The following OR4C11 variants were observed in gnomAD, a reference collection of about 807,000 sequenced individuals.
The protein encoded by OR4C11 is olfactory receptor family 4 subfamily C member 11.
Under a neutral mutation model 14.7 loss-of-function variants are expected in OR4C11, and 15 were observed. The ratio of observed to expected loss-of-function variants is 1.02; its 90% CI spans 0.68 to 1.58. OR4C11 has a LOEUF of 1.58. Among genes scored for constraint, OR4C11 ranks in the 40% most tolerant of loss-of-function variants. OR4C11 has a pLI of 0.00. For missense variants in OR4C11, 473 were observed against 383.0 expected (o/e 1.24, Z -1.96); for synonymous variants, 146 against 135.0 (o/e 1.08, Z -0.57).
In OR4C11 at chr11:55,603,120, A is replaced by T. The variant is rs1424173526; in HGVS notation, c.*321T>A. On this transcript the variant is annotated 3_prime_UTR_variant, in exon 4 of 4. Transcript: ENST00000641580. ...AAAAGCACAGGAAAGAAGTAAGAAA[A>T]TCAGATGCATTAGATTAGAGTGCAT... 1 of 172,978 alleles carries T rather than the reference A, an allele frequency of 5.8e-6. No individual in the cohort carries two copies. Among genetic ancestry groups the T allele is most frequent in the East Asian group, 1.7e-4 (1 of 6,026 alleles). 10.7% of individuals were successfully genotyped at this position (172,978 alleles called of 1,614,324 possible). A position where few individuals can be genotyped will look rare whatever the true frequency, so the allele number is the denominator to read the frequency against.
At position 55,603,767 on chromosome 11, in the gene OR4C11, C is replaced by A. The variant is rs201559565; in HGVS notation, c.607G>T (p.Ala203Ser). The A allele has an allele frequency of 3.7e-4, 546 of 1,488,706 alleles. 125 individuals carry two copies. Among genetic ancestry groups the A allele is most frequent in the Non-Finnish European group, 4.3e-4 (468 of 1,094,220 alleles). 92.2% of individuals were successfully genotyped at this position (1,488,706 alleles called of 1,614,324 possible). The change falls in exon 4 of 4, where the codon GCA becomes TCA. Residue 203 changes from alanine to serine, a missense_variant. Physicochemically the swap from Ala to Ser is moderately conservative, Grantham distance 99. Transcript: ENST00000641580. ...INLLLVSNSG[A>S]ICSSSFMILI... ...ATCATGAAACTACTTGAGCAAATTG[C>A]CCCACTGTTAGACACCAACAGCAGG...
At chr11:55,605,372 T>A (rs1857947164) in intron 2 of OR4C11, 85 bp from the exon 3 acceptor site, 1 of 136,956 alleles carries the variant, frequency 7.3e-6, no homozygotes, top group African/African-American at 2.6e-5. Flanking sequence ...TAAGCATCAG[T>A]GATTTAGAAA....
chr11:55,603,965 G>C lies in OR4C11; in HGVS notation c.409C>G (p.Gln137Glu). The C allele has an allele frequency of 6.7e-7, 1 of 1,489,748 alleles. No individual in the cohort carries two copies. The highest frequency in any genetic ancestry group is 1.4e-5 in the African/African-American group (1 of 72,782). The allele number at this position is 1,489,748 out of a possible 1,614,324, so 92.3% of individuals were successfully genotyped here. The change falls in exon 4 of 4, where the codon CAG becomes GAG. Residue 137 changes from glutamine (Q) to glutamate (E), a missense_variant. Transcript: ENST00000641580. ...PLRYPTIMSQ[Q>E]VCIILIVLAW... The stretch of plus-strand genomic sequence containing the variant: ...AGAACAATCAGGATGATGCAGACCT[G>C]CTGGCTCATGATGGTTGGGTAACGC...
rs768856028 is a variant in OR4C11 at position 55,607,216 on chromosome 11, T to G, written c.-365+71A>C. 15 of 138,700 alleles carry G rather than the reference T, an allele frequency of 1.1e-4. 3 individuals carry two copies. Among genetic ancestry groups the G allele is most frequent in the Non-Finnish European group, 2.1e-4 (13 of 62,338 alleles). 8.6% of individuals were successfully genotyped at this position (138,700 alleles called of 1,614,324 possible). On this transcript the variant is annotated intron_variant, in intron 1 of 3. Coordinates refer to ENST00000641580, the MANE Select transcript of OR4C11 (RefSeq NM_001004700.3). ...TGCTCCTTGCAGAGCAGAGCTACCC[T>G]TAGGCAGTTTGCCCAGAGTAGGCTG...
rs780523187 is a variant in OR4C11 at position 55,603,995 on chromosome 11, G to T, written c.379C>A (p.Pro127Thr). The T allele has an allele frequency of 1.3e-6, 2 of 1,489,662 alleles. 1 individual carries two copies. The highest frequency in any genetic ancestry group is 5.2e-5 in the East Asian group (2 of 38,754). The allele number at this position is 1,489,662 out of a possible 1,614,324, so 92.3% of individuals were successfully genotyped here. The change falls in exon 4 of 4, where the codon CCC becomes ACC. Residue 127 changes from proline (P) to threonine (T), a missense_variant. Transcript: ENST00000641580. ...CTCATGATGGTTGGGTAACGCAAGG[G>T]CTTACAGATGGCCACATAGCGATCA... ...AVDRYVAICK[P>T]LRYPTIMSQQ...
chr11:55,603,370 C>T lies in OR4C11; in HGVS notation c.*71G>A. ...ATTCCCACAGCATTCAGGTACTTTC[C>T]TATTTGCTGTCTATACTTACTCTGT... On this transcript the variant is annotated 3_prime_UTR_variant, in exon 4 of 4. Transcript: ENST00000641580. 4.0e-6 allele frequency: 3 copies of T among 753,952 alleles called. No homozygotes were observed. Among genetic ancestry groups the T allele is most frequent in the South Asian group, 2.0e-5 (1 of 49,172 alleles). The allele number at this position is 753,952 out of a possible 1,614,324, so 46.7% of individuals were successfully genotyped here. A position where few individuals can be genotyped will look rare whatever the true frequency, so the allele number is the denominator to read the frequency against.
rs1857900942 is a variant in OR4C11 at position 55,602,827 on chromosome 11, G to A, written c.*614C>T. The A allele has an allele frequency of 7.2e-6, 1 of 138,840 alleles. No homozygotes were observed. Among genetic ancestry groups the A allele is most frequent in the African/African-American group, 2.5e-5 (1 of 40,054 alleles). The allele number at this position is 138,840 out of a possible 1,614,324, so 8.6% of individuals were successfully genotyped here. A position where few individuals can be genotyped will look rare whatever the true frequency, so the allele number is the denominator to read the frequency against. ...GTGATAAAATGTAAATGGGCATCTT[G>A]ATATACTGAGTTAGTTCCTTTTCCC... On this transcript the variant is annotated 3_prime_UTR_variant, in exon 4 of 4. Transcript: ENST00000641580.
rs1437645941 is a variant in OR4C11 at position 55,604,259 on chromosome 11, C to A, written c.115G>T (p.Gly39Trp). The change falls in exon 4 of 4, where the codon GGG (glycine) becomes TGG (tryptophan). Residue 39 changes from glycine to tryptophan, a missense_variant. Coordinates refer to ENST00000641580, the MANE Select transcript of OR4C11 (RefSeq NM_001004700.3). ...ATGGTCACAATAATGAGCATATTCC[C>A]CACCACAGTTCCCATATAGAAAATT... ...FLIFYMGTVV[G>W]NMLIIVTIKS... The A allele has an allele frequency of 6.9e-7, 1 of 1,447,292 alleles. No individual in the cohort carries two copies. The highest frequency in any genetic ancestry group is 9.5e-7 in the Non-Finnish European group (1 of 1,056,842). The allele number at this position is 1,447,292 out of a possible 1,614,324, so 89.7% of individuals were successfully genotyped here.
In OR4C11 at chr11:55,604,177, A is replaced by G. The variant is rs867271023; in HGVS notation, c.197T>C (p.Phe66Ser). 2 of 1,475,420 alleles carry G rather than the reference A, an allele frequency of 1.4e-6. No individual in the cohort carries two copies. The highest frequency in any genetic ancestry group is 2.6e-5 in the East Asian group (1 of 38,748). The allele number at this position is 1,475,420 out of a possible 1,614,324, so 91.4% of individuals were successfully genotyped here. The change falls in exon 4 of 4, where the codon TTT becomes TCT. Residue 66 changes from phenylalanine (F) to serine (S), a missense_variant. Transcript: ENST00000641580. ...PMYFFLFYLS[F>S]ADSCFSTSTA... is the part of the protein sequence containing the mutation. ...GGAAGTTGAAAAGCAAGAATCTGCA[A>G]AGGACAAATAAAATAGAAAGAAGTA... is the stretch of plus-strand genomic sequence containing the variant.
Position 55,604,271 on chromosome 11 carries a change from C to A in OR4C11, c.103G>T (p.Gly35Ter), listed in dbSNP as rs61737219. The A allele has an allele frequency of 1.4e-6, 2 of 1,436,658 alleles. 1 individual carries two copies. The allele number at this position is 1,436,658 out of a possible 1,614,324, so 89.0% of individuals were successfully genotyped here. ...VFVIFLIFYM[G>*]TVVGNMLIIV... Reference sequence around the variant, plus strand: ...ATGAGCATATTCCCCACCACAGTTCCCATATAGAAAATTAAGAAGATTACA... The same window carrying A: ...ATGAGCATATTCCCCACCACAGTTCACATATAGAAAATTAAGAAGATTACA... The change falls in exon 4 of 4, where the codon GGA becomes TGA. Residue 35 changes from glycine to a stop codon, truncating the protein, a stop_gained. Coordinates refer to ENST00000641580, the MANE Select transcript of OR4C11 (RefSeq NM_001004700.3). LOFTEE classifies it high-confidence loss of function.
rs75597397 is a variant in OR4C11, at chr11:55,605,440, A to G, written c.-206-153T>C. 4.2e-3 allele frequency among the ~76,000 whole-genome samples: 580 copies of G among 137,918 alleles called. 64 individuals are homozygous for G. Among genetic ancestry groups the G allele is most frequent in the African/African-American group, 0.014 (558 of 39,196 alleles). 90.5% of individuals were successfully genotyped at this position (137,918 alleles called of 152,430 possible). ...ACTTTCAATAGAATTTTTAGTTTGT[A>G]TGTTCTTATGAATCCCATATCCTGA... On this transcript the variant is annotated intron_variant, in intron 2 of 3. Transcript: ENST00000641580.
rs1350174510 is a variant in OR4C11 at position 55,602,828 on chromosome 11, A to G, written c.*613T>C. The G allele has an allele frequency of 1.4e-5, 2 of 139,092 alleles. No individual in the cohort carries two copies. Among genetic ancestry groups the G allele is most frequent in the African/African-American group, 2.5e-5 (1 of 40,112 alleles). 8.6% of individuals were successfully genotyped at this position (139,092 alleles called of 1,614,324 possible). On this transcript the variant is annotated 3_prime_UTR_variant, in exon 4 of 4. Transcript: ENST00000641580. The stretch of plus-strand genomic sequence containing the variant: ...TGATAAAATGTAAATGGGCATCTTG[A>G]TATACTGAGTTAGTTCCTTTTCCCT...
In OR4C11 at chr11:55,604,108, AT is replaced by A. The variant is rs1857927519; in HGVS notation, c.265del (p.Ile89LeufsTer2). 6.7e-7 allele frequency: 1 copy of A among 1,483,876 alleles called. No individual in the cohort carries two copies. 91.9% of individuals were successfully genotyped at this position (1,483,876 alleles called of 1,614,324 possible). A position where few individuals can be genotyped will look rare whatever the true frequency, so the allele number is the denominator to read the frequency against. On this transcript the variant is annotated frameshift_variant, in exon 4 of 4. Coordinates refer to ENST00000641580, the MANE Select transcript of OR4C11 (RefSeq NM_001004700.3). LOFTEE classifies it high-confidence loss of function. ...LIVDALSEKK[I>X]ITYNECMTQV... ...TGTCATGCACTCATTGTAGGTTATA[AT>A]TTTCTTTTCAGAGAGAGCATCCACA...
rs200268265 is a variant in OR4C11, at chr11:55,603,323, AACTT to A, written c.*114_*117del. On this transcript the variant is annotated 3_prime_UTR_variant, in exon 4 of 4. Coordinates refer to ENST00000641580, the MANE Select transcript of OR4C11 (RefSeq NM_001004700.3). The stretch of plus-strand genomic sequence containing the variant: ...TAACTAGAAAACATAGGAACCCACA[AACTT>A]AGATACGATGATATATTATTCCCAC... The A allele has an allele frequency of 0.028, 15,374 of 554,180 alleles. 2,617 individuals are homozygous for A. Among genetic ancestry groups the A allele is most frequent in the Non-Finnish European group, 0.037 (12,389 of 332,742 alleles). The allele number at this position is 554,180 out of a possible 1,614,324, so 34.3% of individuals were successfully genotyped here.
At position 55,603,602 on chromosome 11, in the gene OR4C11, G is replaced by A. The variant is rs140582621; in HGVS notation, c.772C>T (p.Arg258Cys). ...FFGPCIFIYTRPPTTFPMDKM... is the reference protein window; with the variant it reads ...FFGPCIFIYTCPPTTFPMDKM... ...TCCATGGGGAAAGTGGTCGGGGGGCGTGTATATATGAATATACATGGGCCA... is the reference window on the plus strand; with the variant it reads ...TCCATGGGGAAAGTGGTCGGGGGGCATGTATATATGAATATACATGGGCCA... The change falls in exon 4 of 4, where the codon CGC becomes TGC. Residue 258 changes from arginine to cysteine, a missense_variant. By Grantham distance (180) the Arg-to-Cys change is radical. Coordinates refer to ENST00000641580, the MANE Select transcript of OR4C11 (RefSeq NM_001004700.3). The A allele has an allele frequency of 6.2e-5, 92 of 1,481,018 alleles. 16 individuals are homozygous for A. Among genetic ancestry groups the A allele is most frequent in the South Asian group, 2.0e-4 (17 of 84,640 alleles). The allele number at this position is 1,481,018 out of a possible 1,614,324, so 91.7% of individuals were successfully genotyped here.
Position 55,603,766 on chromosome 11 carries a change from G to A in OR4C11, c.608C>T (p.Ala203Val), listed in dbSNP as rs768210066. Residue 203 changes from alanine to valine, a missense_variant, in exon 4 of 4, where the codon GCA (alanine) becomes GTA (valine). Coordinates refer to ENST00000641580, the MANE Select transcript of OR4C11 (RefSeq NM_001004700.3). ...INLLLVSNSG[A>V]ICSSSFMILI... ...AATCATGAAACTACTTGAGCAAATT[G>A]CCCCACTGTTAGACACCAACAGCAG... The A allele has an allele frequency of 2.7e-6, 4 of 1,488,920 alleles. 1 individual carries two copies. Among genetic ancestry groups the A allele is most frequent in the African/African-American group, 1.4e-5 (1 of 72,634 alleles). The allele number at this position is 1,488,920 out of a possible 1,614,324, so 92.2% of individuals were successfully genotyped here.
In OR4C11 at chr11:55,603,892, G is replaced by T; in HGVS notation, c.482C>A (p.Ala161Asp). 2 of 1,487,896 alleles carry T rather than the reference G, an allele frequency of 1.3e-6. No individual in the cohort carries two copies. The highest frequency in any genetic ancestry group is 1.8e-6 in the Non-Finnish European group (2 of 1,093,572). 92.2% of individuals were successfully genotyped at this position (1,487,896 alleles called of 1,614,324 possible). The change falls in exon 4 of 4, where the codon GCC becomes GAC. Residue 161 changes from alanine to aspartate, a missense_variant. Coordinates refer to ENST00000641580, the MANE Select transcript of OR4C11 (RefSeq NM_001004700.3). ...GGGTCCACAGAAAGGCAATCTTAAG[G>T]CCAGGATAATCTGAGCTGTAGAGTG... ...LIHSTAQIIL[A>D]LRLPFCGPYL...
chr11:55,603,730 G>T lies in OR4C11; in HGVS notation c.644C>A (p.Ser215Ter). 4 of 1,491,334 alleles carry T rather than the reference G, an allele frequency of 2.7e-6. No homozygotes were observed. Among genetic ancestry groups the T allele is most frequent in the Non-Finnish European group, 3.6e-6 (4 of 1,096,300 alleles). The allele number at this position is 1,491,334 out of a possible 1,614,324, so 92.4% of individuals were successfully genotyped here. A position where few individuals can be genotyped will look rare whatever the true frequency, so the allele number is the denominator to read the frequency against. Residue 215 changes from serine to a stop codon, truncating the protein, a stop_gained, in exon 4 of 4, where the codon TCA becomes TAA. Transcript: ENST00000641580. LOFTEE classifies it high-confidence loss of function. Reference sequence around the variant, plus strand: ...CAGTGAATGCAAGATGACAATATATGAAATTATCAAAATCATGAAACTACT... The same window carrying T: ...CAGTGAATGCAAGATGACAATATATTAAATTATCAAAATCATGAAACTACT... Reference protein sequence around the residue: ...CSSSFMILIISYIVILHSLRN... With the variant: ...CSSSFMILII
Position 55,606,131 on chromosome 11 carries a change from A to G in OR4C11, c.-207+391T>C, listed in dbSNP as rs1175367053. On this transcript the variant is annotated intron_variant, in intron 2 of 3. Coordinates refer to ENST00000641580, the MANE Select transcript of OR4C11 (RefSeq NM_001004700.3). Reference sequence around the variant, plus strand: ...TGCCCATCAGAAGGGACATTAATGAATCAAGGATGATATTTTTACGCAAAC... The same window carrying G: ...TGCCCATCAGAAGGGACATTAATGAGTCAAGGATGATATTTTTACGCAAAC... Among the ~76,000 whole-genome samples the G allele has an allele frequency of 1.4e-5, 2 of 138,304 alleles. 1 individual carries two copies. The highest frequency in any genetic ancestry group is 3.2e-5 in the Non-Finnish European group (2 of 62,186). The allele number at this position is 138,304 out of a possible 152,430, so 90.7% of individuals were successfully genotyped here. A position where few individuals can be genotyped will look rare whatever the true frequency, so the allele number is the denominator to read the frequency against.
Sources: gnomAD v4.1 joint callset for allele counts (sites outside exome capture counted in the v4.1 genomes callset) on GRCh38, gnomAD v4.1.1 for gene constraint, MANE v1.5 for transcripts, NCBI Gene and HGNC (gene_info 2026-07-23, HGNC 2026-07-21) for gene names.